Variants in KIAA0513 observed in about 807,000 individuals in gnomAD.
KIAA0513 encodes the protein KIAA0513.
KIAA0513 carries 39 observed loss-of-function variants against 56.5 expected under a neutral mutation model. The observed-to-expected ratio is 0.69, with a 90% confidence interval of 0.53 to 0.90. The LOEUF (loss-of-function observed/expected upper bound fraction) is 0.90. Among genes scored for constraint, KIAA0513 ranks in the 40% least tolerant of loss-of-function variants. The pLI, the probability that KIAA0513 is intolerant of heterozygous loss-of-function variation, is 0.00. For synonymous variants in KIAA0513, 268 were observed against 215.6 expected (o/e 1.24, Z -2.13); for missense variants, 591 against 535.2 (o/e 1.10, Z -1.03).
chr16:85,061,946 A>G (rs559426059), intron 1 of KIAA0513, among the ~76,000 whole-genome samples: 2 of 152,160 alleles, frequency 1.3e-5, no homozygotes, highest in East Asian at 1.9e-4. Context: ...TGAACTTTCT[A>G]AAGTGGTTAC....
chr16:85,031,008 T>C (rs2072956959), intron 1 of KIAA0513, among the ~76,000 whole-genome samples: 1 of 152,218 alleles, frequency 6.6e-6, no homozygotes, highest in Non-Finnish European at 1.5e-5. Context: ...ATTGTGTTCT[T>C]TTCTGGACAT....
chr16:85,039,939 A>G (rs925641428), intron 1 of KIAA0513, among the ~76,000 whole-genome samples: 1 of 151,544 alleles, frequency 6.6e-6, no homozygotes, highest in Admixed American at 6.6e-5. Flanking sequence ...GGTTCAAGCA[A>G]TTCTCCTGCC....
chr16:85,056,193 GA>G (rs1283158866), intron 1 of KIAA0513, among the ~76,000 whole-genome samples: 1 of 152,216 alleles, frequency 6.6e-6, no homozygotes, highest in Non-Finnish European at 1.5e-5. Flanking sequence ...CTGCAGTGGG[GA>G]TCCAGGATCC....
At chr16:85,075,724 C>A in intron 4 of KIAA0513, 120 bp from the exon 5 acceptor site, 1 of 810,210 alleles carries the variant, frequency 1.2e-6, no homozygotes, top group Non-Finnish European at 2.1e-6. Context: ...TTTTGTGCAT[C>A]TCCAGTGGGG....
rs2073898175 is a variant in KIAA0513 at position 85,094,088 on chromosome 16, T to C, written c.*5763T>C. The C allele has an allele frequency of 6.6e-6, 1 of 152,196 alleles. No homozygotes were observed. The highest frequency in any genetic ancestry group is 1.5e-5 in the Non-Finnish European group (1 of 68,042). The allele number at this position is 152,196 out of a possible 1,614,324, so 9.4% of individuals were successfully genotyped here. A position where few individuals can be genotyped will look rare whatever the true frequency, so the allele number is the denominator to read the frequency against. On this transcript the variant is annotated 3_prime_UTR_variant, in exon 13 of 13. Transcript: ENST00000683363. ...CGGTGATGTTCTACAAACTCTGTTT[T>C]AAGGTTGAGAAAGTTTCAAGGGTGA...
intron 1 of KIAA0513, among the ~76,000 whole-genome samples, chr16:85,030,454 G>C (rs1342113625): frequency 6.6e-6 from 1 of 152,126 alleles, no homozygotes; most frequent in Non-Finnish European, 1.5e-5. Flanking sequence ...AGAAAAATAA[G>C]CCATAGGGCT....
chr16:85,058,668 AC>A (rs2073363460), intron 1 of KIAA0513, among the ~76,000 whole-genome samples: 2 of 148,368 alleles, frequency 1.3e-5, no homozygotes, highest in South Asian at 4.3e-4. Context: ...AAAAAAAAAA[AC>A]ACACAAGAAA....
intron 1 of KIAA0513, among the ~76,000 whole-genome samples, chr16:85,055,431 T>A (rs1215470383): frequency 6.6e-6 from 1 of 152,228 alleles, no homozygotes; most frequent in Non-Finnish European, 1.5e-5. Flanking sequence ...ACACATTGTT[T>A]AGGCCATGTT....
intron 1 of KIAA0513, among the ~76,000 whole-genome samples, chr16:85,035,638 G>C (rs767621437): frequency 6.6e-6 from 1 of 152,132 alleles, no homozygotes; most frequent in African/African-American, 2.4e-5. Context: ...CTACAGGCAT[G>C]TGCCACCATG....
In KIAA0513 at chr16:85,087,081, G is replaced by A. The variant is rs376473298; in HGVS notation, c.1101G>A (p.Thr367=). ...NITFGQLGTF[T]HNMLAFGLNK... is the part of the protein sequence containing the mutation. ...GGGGTTTCTCCTGCAGCACATTCAC[G>A]CACAACATGCTGGCCTTTGGACTGA... Residue 367 remains threonine (T), a synonymous_variant, in exon 12 of 13, where the codon ACG becomes ACA. Coordinates refer to ENST00000683363, the MANE Select transcript of KIAA0513 (RefSeq NM_001388359.1). 8.7e-5 allele frequency: 140 copies of A among 1,613,974 alleles called. No homozygotes were observed. The highest frequency in any genetic ancestry group is 1.0e-4 in the Non-Finnish European group (122 of 1,179,974).
At chr16:85,043,960 G>A (rs1298255673) in intron 1 of KIAA0513, among the ~76,000 whole-genome samples, 1 of 152,202 alleles carries the variant, frequency 6.6e-6, no homozygotes, top group Non-Finnish European at 1.5e-5. Context: ...AACCCGGGAA[G>A]CGGAGGTTGT....
At position 85,087,150 on chromosome 16, in the gene KIAA0513, T is replaced by C. The variant is rs750333381; in HGVS notation, c.1170T>C (p.Ile390=). 5 of 1,614,080 alleles carry C rather than the reference T, an allele frequency of 3.1e-6. No homozygotes were observed. Among genetic ancestry groups the C allele is most frequent in the Non-Finnish European group, 1.7e-6 (2 of 1,179,930 alleles). The change falls in exon 12 of 13, where the codon ATT becomes ATC. Residue 390 remains isoleucine (I), a synonymous_variant. Transcript: ENST00000683363. ...ACTTCCTGAAGAAGCAGGCTGTGAT[T>C]GGCAACCTGGATGAAGGTGCGTCTG... ...CNDFLKKQAV[I]GNLDEEQYKL... is the part of the protein sequence containing the mutation.
At chr16:85,048,637 G>A (rs1341962194) in intron 1 of KIAA0513, among the ~76,000 whole-genome samples, 2 of 152,196 alleles carry the variant, frequency 1.3e-5, no homozygotes, top group East Asian at 1.9e-4. Flanking sequence ...CCAGCACTTT[G>A]GGAGGCTGAG....
At chr16:85,042,195 G>C (rs1170031956) in intron 1 of KIAA0513, among the ~76,000 whole-genome samples, 3 of 152,198 alleles carry the variant, frequency 2.0e-5, no homozygotes, top group Non-Finnish European at 4.4e-5. Flanking sequence ...GCATTTATGG[G>C]TGAAAAGTGC....
intron 1 of KIAA0513, among the ~76,000 whole-genome samples, chr16:85,065,431 T>G (rs756748086): frequency 6.6e-6 from 1 of 152,192 alleles, no homozygotes; most frequent in Non-Finnish European, 1.5e-5. Flanking sequence ...AGGTTTATGC[T>G]TCTCTCTTGT....
At chr16:85,039,053 C>T (rs1460965530) in intron 1 of KIAA0513, among the ~76,000 whole-genome samples, 3 of 152,198 alleles carry the variant, frequency 2.0e-5, no homozygotes, top group Non-Finnish European at 4.4e-5. Context: ...TCCCTGAGGG[C>T]CAGGCTTTTG....
chr16:85,051,080 G>A (rs889610695), intron 1 of KIAA0513, among the ~76,000 whole-genome samples: 1 of 152,056 alleles, frequency 6.6e-6, no homozygotes, highest in Non-Finnish European at 1.5e-5. Context: ...AGGAATTTGA[G>A]GTTAACATTG....
chr16:85,071,776 T>C lies in KIAA0513; in HGVS notation c.330-7T>C, dbSNP rs531068405. ...TTTTTTCCTCTGCTCTTTTTTTTTT[T>C]TTTTAGGGAGGACTTGGATCAGGAG... is the stretch of plus-strand genomic sequence containing the variant. On this transcript the variant is annotated splice_region_variant and splice_polypyrimidine_tract_variant and intron_variant, in intron 2 of 12. Coordinates refer to ENST00000683363, the MANE Select transcript of KIAA0513 (RefSeq NM_001388359.1). 9.7e-5 allele frequency: 152 copies of C among 1,574,740 alleles called. No individual in the cohort carries two copies. The South Asian group carries it at 1.7e-3, about 18-fold the overall frequency.
In KIAA0513 at chr16:85,090,286, G is replaced by C. The variant is rs1372016571; in HGVS notation, c.*1961G>C. 1 of 152,220 alleles carries C rather than the reference G, an allele frequency of 6.6e-6. No homozygotes were observed. Among genetic ancestry groups the C allele is most frequent in the Non-Finnish European group, 1.5e-5 (1 of 68,054 alleles). The allele number at this position is 152,220 out of a possible 1,614,324, so 9.4% of individuals were successfully genotyped here. A position where few individuals can be genotyped will look rare whatever the true frequency, so the allele number is the denominator to read the frequency against. ...CTCAGGCCACACTCAAGGGCTGACT[G>C]TCCAGGCGCTCCCTTCAGCCGCCTC... On this transcript the variant is annotated 3_prime_UTR_variant, in exon 13 of 13. Transcript: ENST00000683363.
Sources: allele counts gnomAD v4.1 joint callset (sites outside exome capture counted in the v4.1 genomes callset), GRCh38; gene constraint gnomAD v4.1.1; transcripts MANE v1.5; gene names NCBI Gene and HGNC (gene_info 2026-07-23, HGNC 2026-07-21).